Variants in IPCEF1 observed in about 807,000 individuals in gnomAD.
IPCEF1 encodes the protein interaction protein for cytohesin exchange factors 1.
In IPCEF1, 31 loss-of-function variants were observed where a neutral mutation model predicts 50.9. The observed-to-expected ratio is 0.61, with a 90% CI of 0.46 to 0.82. The LOEUF (loss-of-function observed/expected upper bound fraction) is 0.82, where lower values mean the gene tolerates loss of function less well. IPCEF1 is among the 40% of genes least tolerant of loss of function. The pLI is 0.00. For missense variants in IPCEF1, 458 were observed against 514.0 expected (o/e 0.89, Z 1.05); for synonymous variants, 181 against 192.0 (o/e 0.94, Z 0.47).
intron 5 of IPCEF1, among the ~76,000 whole-genome samples, chr6:154,230,467 A>G (rs574710019): frequency 3.3e-5 from 5 of 152,346 alleles, no homozygotes; most frequent in East Asian, 1.9e-4. Flanking sequence ...GTTCATTGCC[A>G]TGATAACATT....
chr6:154,235,824 C>T (rs1424045524), intron 5 of IPCEF1, among the ~76,000 whole-genome samples: 2 of 152,116 alleles, frequency 1.3e-5, no homozygotes, highest in Non-Finnish European at 2.9e-5. Context: ...TAGGAAAAGG[C>T]AAATCAAAGC....
intron 1 of IPCEF1, among the ~76,000 whole-genome samples, chr6:154,306,924 G>T (rs972394661): frequency 1.3e-5 from 2 of 152,076 alleles, no homozygotes; most frequent in Admixed American, 6.6e-5. Context: ...TGTGCAGTTT[G>T]CTGTGTGTGA....
chr6:154,178,725 T>C (rs1195457425), intron 10 of IPCEF1, among the ~76,000 whole-genome samples: 1 of 152,172 alleles, frequency 6.6e-6, no homozygotes, highest in Admixed American at 6.5e-5. Context: ...AAAAATGAGA[T>C]AATGGCAAGA....
At chr6:154,236,234 G>A (rs1376155109) in intron 5 of IPCEF1, among the ~76,000 whole-genome samples, 1 of 152,180 alleles carries the variant, frequency 6.6e-6, no homozygotes. Context: ...ACAATTCTGA[G>A]ACCTGCTACC....
chr6:154,161,541 A>G (rs1158095883), intron 11 of IPCEF1, among the ~76,000 whole-genome samples: 2 of 152,100 alleles, frequency 1.3e-5, no homozygotes, highest in Non-Finnish European at 2.9e-5. Context: ...CCGTAAATCT[A>G]TACTTGAGGC....
rs1324579000 is a variant in IPCEF1 at position 154,195,331 on chromosome 6, T to TAG, written c.910+4335_910+4336dup. ...CCTGGCTAATTTTTTGTGTTTTTAA[T>TAG]AGAGATGGGGTTTCACCATGTTAGC... On this transcript the variant is annotated intron_variant, in intron 10 of 11. Coordinates refer to ENST00000367220, the MANE Select transcript of IPCEF1 (RefSeq NM_001130700.2). Among the ~76,000 whole-genome samples, 3 of 151,946 alleles carry TAG rather than the reference T, an allele frequency of 2.0e-5. No individual in the cohort carries two copies. In the East Asian group the frequency reaches 5.8e-4, roughly 29 times the overall value.
At chr6:154,268,653 A>G (rs188652467) in intron 2 of IPCEF1, among the ~76,000 whole-genome samples, 18 of 152,176 alleles carry the variant, frequency 1.2e-4, no homozygotes, top group Admixed American at 5.9e-4. Flanking sequence ...AAATTGTGAA[A>G]ACTTCCTACA....
chr6:154,254,383 C>T (rs982587432), intron 3 of IPCEF1, among the ~76,000 whole-genome samples: 3 of 152,096 alleles, frequency 2.0e-5, no homozygotes, highest in Non-Finnish European at 4.4e-5. Context: ...GAGAGAGACA[C>T]GTCTTACATG....
chr6:154,154,922 C>A lies in IPCEF1; in HGVS notation c.*4906G>T, dbSNP rs1303888284. On this transcript the variant is annotated 3_prime_UTR_variant, in exon 12 of 12. Transcript: ENST00000367220. Reference sequence around the variant, plus strand: ...AAAAGTCACATTCCCATCATGCAAGCACATTAAAATATATGGCGATTAAAA... The same window carrying A: ...AAAAGTCACATTCCCATCATGCAAGAACATTAAAATATATGGCGATTAAAA... 1 of 152,346 alleles carries A rather than the reference C, an allele frequency of 6.6e-6. No homozygotes were observed. Among genetic ancestry groups the A allele is most frequent in the Non-Finnish European group, 1.5e-5 (1 of 68,018 alleles). The allele number at this position is 152,346 out of a possible 1,614,324, so 9.4% of individuals were successfully genotyped here.
chr6:154,171,786 AG>A (rs1247605182), intron 10 of IPCEF1, among the ~76,000 whole-genome samples: 3 of 152,198 alleles, frequency 2.0e-5, no homozygotes, highest in African/African-American at 7.2e-5. Context: ...TGACTCCTGA[AG>A]GGGGGCATTA....
At chr6:154,355,804 T>C (rs1465684387) in intron 1 of IPCEF1, among the ~76,000 whole-genome samples, 1 of 151,600 alleles carries the variant, frequency 6.6e-6, no homozygotes, top group Non-Finnish European at 1.5e-5. Flanking sequence ...TTTTCTATTT[T>C]CTTTTCTTTC....
chr6:154,226,856 T>TC (rs1779293470), intron 5 of IPCEF1, among the ~76,000 whole-genome samples: 3 of 151,450 alleles, frequency 2.0e-5, no homozygotes, highest in African/African-American at 7.3e-5. Flanking sequence ...TCTCTCCCCC[T>TC]CCCCCATTCA....
chr6:154,223,456 A>G (rs1157251371), intron 5 of IPCEF1, among the ~76,000 whole-genome samples: 2 of 152,176 alleles, frequency 1.3e-5, no homozygotes, highest in African/African-American at 4.8e-5. Flanking sequence ...TCTTTCCAAG[A>G]GAAGTGGCAT....
chr6:154,276,287 AAAAAAGAAAAG>A (rs1410561870), intron 2 of IPCEF1, among the ~76,000 whole-genome samples: 2 of 77,036 alleles, frequency 2.6e-5, no homozygotes, highest in Non-Finnish European at 7.1e-5. Context: ...AGAAAAGAAA[AAAAAAGAAAAG>A]AAAAGAGGAA....
intron 3 of IPCEF1, among the ~76,000 whole-genome samples, chr6:154,255,718 T>C (rs1366473930): frequency 6.6e-6 from 1 of 152,328 alleles, no homozygotes; most frequent in South Asian, 2.1e-4. Context: ...TCTCTTTATC[T>C]CTCTATGCTA....
intron 1 of IPCEF1, among the ~76,000 whole-genome samples, chr6:154,350,888 AT>A (rs1554227143): frequency 1.3e-5 from 2 of 151,810 alleles, no homozygotes; most frequent in Admixed American, 6.6e-5. Flanking sequence ...ACCTGGCCAC[AT>A]TTTTTTGTTT....
intron 5 of IPCEF1, among the ~76,000 whole-genome samples, chr6:154,241,932 A>G (rs753991250): frequency 6.6e-6 from 1 of 152,178 alleles, no homozygotes; most frequent in African/African-American, 2.4e-5. Context: ...CAGCCTGGGG[A>G]AAAGAGCCTG....
At chr6:154,318,885 A>G (rs1288623792) in intron 1 of IPCEF1, among the ~76,000 whole-genome samples, 1 of 152,184 alleles carries the variant, frequency 6.6e-6, no homozygotes. Flanking sequence ...ACGTTAGCCA[A>G]CCTATGTGTG....
chr6:154,209,421 T>C (rs1437863594), intron 9 of IPCEF1, among the ~76,000 whole-genome samples: 1 of 151,960 alleles, frequency 6.6e-6, no homozygotes, highest in Non-Finnish European at 1.5e-5. Flanking sequence ...GAGGCCAAGG[T>C]GAGTGCATCA....
Sources: gnomAD v4.1 joint callset for allele counts (sites outside exome capture counted in the v4.1 genomes callset) on GRCh38, gnomAD v4.1.1 for gene constraint, MANE v1.5 for transcripts, NCBI Gene and HGNC (gene_info 2026-07-23, HGNC 2026-07-21) for gene names.